UBAP2L: variants seen among roughly 807,000 people sequenced by gnomAD.
UBAP2L encodes ubiquitin associated protein 2 like, also known as ubiquitin-associated protein 2-like.
Under a neutral mutation model 130.6 loss-of-function variants are expected in UBAP2L, and 12 were observed. That is an observed-to-expected ratio of 0.09 (90% CI 0.06 to 0.15). The LOEUF (loss-of-function observed/expected upper bound fraction) is 0.15. UBAP2L is among the 10% of genes least tolerant of loss of function. The pLI is 1.00. For missense variants in UBAP2L, 965 were observed against 1,332.5 expected, an observed-to-expected ratio of 0.72 and a Z score of 4.29; for synonymous variants, 503 against 524.7, an observed-to-expected ratio of 0.96 and a Z score of 0.57.
rs866526783 is a variant in UBAP2L at position 154,221,169 on chromosome 1, C to G, written c.-41+194C>G. 8 of 152,000 alleles carry G rather than the reference C, an allele frequency of 5.3e-5. 1 individual carries two copies. The highest frequency in any genetic ancestry group is 9.7e-5 in the African/African-American group (4 of 41,348). 9.4% of individuals were successfully genotyped at this position (152,000 alleles called of 1,614,324 possible). A position where few individuals can be genotyped will look rare whatever the true frequency, so the allele number is the denominator to read the frequency against. On this transcript the variant is annotated intron_variant, in intron 1 of 26. Transcript: ENST00000428931. Reference sequence around the variant, plus strand: ...TGTGTTCCCCCACTGTACACCCCCCCCCGAGTCATGCGAGCCCTGGCGCCC... The same window carrying G: ...TGTGTTCCCCCACTGTACACCCCCCGCCGAGTCATGCGAGCCCTGGCGCCC...
intron 4 of UBAP2L, among the ~76,000 whole-genome samples, chr1:154,229,077 AC>A (rs1359898579): frequency 1.3e-5 from 2 of 151,896 alleles, no homozygotes; most frequent in South Asian, 2.1e-4. Flanking sequence ...ACAAAGTCAC[AC>A]ACTATACTTG....
intron 8 of UBAP2L, 21 bp downstream of exon 8, chr1:154,237,157 C>T: frequency 1.3e-6 from 2 of 1,584,912 alleles, no homozygotes; most frequent in Admixed American, 3.4e-5. Context: ...ATTTATCATT[C>T]ATTTCTTGTC....
intron 4 of UBAP2L, among the ~76,000 whole-genome samples, chr1:154,231,293 T>A (rs1669759273): frequency 6.6e-6 from 1 of 151,698 alleles, no homozygotes; most frequent in Non-Finnish European, 1.5e-5. Context: ...CTTGGCTTTT[T>A]TTTTTTTTTC....
intron 20 of UBAP2L, 22 bp from the exon 21 acceptor site, chr1:154,258,955 G>T: frequency 6.2e-7 from 1 of 1,610,224 alleles, no homozygotes; most frequent in Non-Finnish European, 8.5e-7. Flanking sequence ...TCCTGTTATT[G>T]CTATATGTCT....
chr1:154,239,392 C>T (rs932834790), intron 8 of UBAP2L, among the ~76,000 whole-genome samples: 6 of 152,142 alleles, frequency 3.9e-5, no homozygotes, highest in Non-Finnish European at 8.8e-5. Context: ...GCTGAAATAT[C>T]TGTGGATATG....
intron 2 of UBAP2L, among the ~76,000 whole-genome samples, chr1:154,226,073 C>CA (rs1402921749): frequency 2.0e-5 from 3 of 152,270 alleles, no homozygotes; most frequent in African/African-American, 4.8e-5. Context: ...CTCGGCCTCC[C>CA]AGAGTACTGG....
intron 24 of UBAP2L, chr1:154,263,070 T>G: frequency 6.5e-7 from 1 of 1,548,560 alleles, no homozygotes; most frequent in Middle Eastern, 1.7e-4. Context: ...TGTCATTCCA[T>G]TCATTTATTT....
rs904033619 is a variant in UBAP2L, at chr1:154,260,941, C to G, written c.2628C>G (p.Ala876=). 2 of 1,614,114 alleles carry G rather than the reference C, an allele frequency of 1.2e-6. No homozygotes were observed. Among genetic ancestry groups the G allele is most frequent in the Admixed American group, 1.7e-5 (1 of 60,002 alleles). ...GGGATGCCTCCTCCCCAGCCCCGGC[C>G]ACAACCTTGGCCCAACCCCAACAGA... ...GRGDASSPAP[A]TTLAQPQQNQ... Residue 876 remains alanine, a synonymous_variant, in exon 23 of 27, where the codon GCC becomes GCG. Coordinates refer to ENST00000428931, the MANE Select transcript of UBAP2L (RefSeq NM_014847.4).
rs552668038 is a variant in UBAP2L at position 154,268,709 on chromosome 1, T to A, written c.2971-48T>A. The A allele has an allele frequency of 6.1e-5, 97 of 1,592,504 alleles. 2 individuals carry two copies. In the South Asian group the frequency reaches 9.3e-4, roughly 15 times the overall value. ...TTGAGCTCAGGAAAAATCCCAAGACTAGTTTGCTGATCCCTTTTACTCTGT... is the reference window on the plus strand; with the variant it reads ...TTGAGCTCAGGAAAAATCCCAAGACAAGTTTGCTGATCCCTTTTACTCTGT... On this transcript the variant is annotated intron_variant, in intron 25 of 26. Transcript: ENST00000428931.
Position 154,225,102 on chromosome 1 carries a change from C to T in UBAP2L, c.-22C>T. 3 of 1,612,704 alleles carry T rather than the reference C, an allele frequency of 1.9e-6. No individual in the cohort carries two copies. Among genetic ancestry groups the T allele is most frequent in the South Asian group, 1.1e-5 (1 of 91,040 alleles). ...CTTTCAGTATTCTACCTTGTAAATA[C>T]TGTTATTTGTATATACTGTAAATGA... On this transcript the variant is annotated 5_prime_UTR_variant, in exon 2 of 27. Transcript: ENST00000428931.
At chr1:154,233,146 G>A (rs899979965) in intron 4 of UBAP2L, among the ~76,000 whole-genome samples, 1 of 151,540 alleles carries the variant, frequency 6.6e-6, no homozygotes, top group African/African-American at 2.4e-5. Flanking sequence ...CCCGAGTAGC[G>A]GGGATTACAG....
chr1:154,228,822 C>A, intron 4 of UBAP2L, 97 bp downstream of exon 4: 1 of 834,996 alleles, frequency 1.2e-6, no homozygotes, highest in Non-Finnish European at 1.8e-6. Context: ...TAAAGCAGAG[C>A]ACCTTTTTCT....
intron 20 of UBAP2L, chr1:154,258,560 T>A (rs1680451210): frequency 6.5e-6 from 1 of 154,450 alleles, no homozygotes; most frequent in Non-Finnish European, 1.4e-5. Flanking sequence ...CAGTTACACA[T>A]TTTTAATTTG....
intron 4 of UBAP2L, among the ~76,000 whole-genome samples, chr1:154,233,070 A>G (rs1006556788): frequency 2.0e-5 from 3 of 150,942 alleles, no homozygotes; most frequent in African/African-American, 4.9e-5. Context: ...CTGGAGTGCA[A>G]TGGCAGGATC....
At chr1:154,268,706 G>A in intron 25 of UBAP2L, 51 bp from the exon 26 acceptor site, 1 of 1,589,068 alleles carries the variant, frequency 6.3e-7, no homozygotes, top group Non-Finnish European at 8.6e-7. Flanking sequence ...AAAATCCCAA[G>A]ACTAGTTTGC....
At chr1:154,235,663 C>G (rs576185618) in intron 6 of UBAP2L, among the ~76,000 whole-genome samples, 1 of 152,230 alleles carries the variant, frequency 6.6e-6, no homozygotes, top group African/African-American at 2.4e-5. Flanking sequence ...GCGTGCGTCA[C>G]TACGCCCAGC....
At chr1:154,261,453 C>G in intron 23 of UBAP2L, 139 bp from the exon 24 acceptor site, 1 of 821,498 alleles carries the variant, frequency 1.2e-6, no homozygotes, top group South Asian at 1.4e-5. Context: ...TAGTAAGGAG[C>G]TAATTTCACT....
chr1:154,248,619 ATC>A lies in UBAP2L; in HGVS notation c.1015-619_1015-618del, dbSNP rs1676428815. Among the ~76,000 whole-genome samples, 3 of 152,294 alleles carry A rather than the reference ATC, an allele frequency of 2.0e-5. No homozygotes were observed. In the East Asian group the frequency reaches 5.8e-4, roughly 29 times the overall value. On this transcript the variant is annotated intron_variant, in intron 11 of 26. Coordinates refer to ENST00000428931, the MANE Select transcript of UBAP2L (RefSeq NM_014847.4). ...ATCACGAGGTCAGGAGATCGAGACC[ATC>A]CTGGCTAACACAGTGAAACGCTGTC...
intron 14 of UBAP2L, among the ~76,000 whole-genome samples, 195 bp downstream of exon 14, chr1:154,251,848 C>T (rs984616961): frequency 6.6e-6 from 1 of 152,040 alleles, no homozygotes; most frequent in African/African-American, 2.4e-5. Flanking sequence ...GAAATATGCC[C>T]CTTAGGGGCT....
Sources: allele counts gnomAD v4.1 joint callset (sites outside exome capture counted in the v4.1 genomes callset), GRCh38; gene constraint gnomAD v4.1.1; transcripts MANE v1.5; gene names NCBI Gene and HGNC (gene_info 2026-07-23, HGNC 2026-07-21).